The following FAT3 variants were observed in gnomAD, a reference collection of about 807,000 sequenced individuals.
The protein encoded by FAT3 is protocadherin Fat 3.
Under a neutral mutation model 310.2 loss-of-function variants are expected in FAT3, and 95 were observed. That is an observed-to-expected ratio of 0.31 (90% confidence interval 0.26 to 0.36). The LOEUF (loss-of-function observed/expected upper bound fraction) is 0.36, where lower values mean the gene tolerates loss of function less well. Among genes scored for constraint, FAT3 ranks in the 10% least tolerant of loss-of-function variants. The pLI is 1.00. For missense variants in FAT3, 5,408 were observed against 5,715.6 expected (o/e 0.95, Z 1.74); for synonymous variants, 2,314 against 2,192.9 (o/e 1.06, Z -1.54).
intron 1 of FAT3, among the ~76,000 whole-genome samples, chr11:92,339,166 C>T (rs924312482): frequency 6.6e-6 from 1 of 152,118 alleles, no homozygotes; most frequent in African/African-American, 2.4e-5. Context: ...ACATATTAGG[C>T]ATGTAAGTTC....
intron 2 of FAT3, among the ~76,000 whole-genome samples, chr11:92,445,273 C>T (rs753253116): frequency 6.6e-6 from 1 of 152,146 alleles, no homozygotes; most frequent in African/African-American, 2.4e-5. Flanking sequence ...TTTAGAATCA[C>T]TTTAGAATTT....
At chr11:92,613,034 C>G (rs947674192) in intron 3 of FAT3, among the ~76,000 whole-genome samples, 4 of 152,134 alleles carry the variant, frequency 2.6e-5, no homozygotes, top group Non-Finnish European at 5.9e-5. Context: ...CTTTTTCTAC[C>G]TCACTGAAAA....
At chr11:92,287,298 G>A (rs1458907324) in intron 1 of FAT3, among the ~76,000 whole-genome samples, 1 of 152,062 alleles carries the variant, frequency 6.6e-6, no homozygotes, top group African/African-American at 2.4e-5. Flanking sequence ...GCTATAAATG[G>A]TAATTTAATT....
In FAT3 at chr11:92,232,644, T is replaced by G. The variant is rs867106256; in HGVS notation, c.-18+7470T>G. On this transcript the variant is annotated intron_variant, in intron 1 of 27. Coordinates refer to ENST00000525166, the MANE Select transcript of FAT3 (RefSeq NM_001367949.2). ...AGTGATGTCGTTTTTTTTTTTTTTT[T>G]TTTTTTTTTTGTTTAACTGTGCAAC... Among the ~76,000 whole-genome samples, 59 of 146,130 alleles carry G rather than the reference T, an allele frequency of 4.0e-4. No individual in the cohort carries two copies. The East Asian group carries it at 4.0e-3, about 10-fold the overall frequency.
At chr11:92,499,998 G>A (rs1207166209) in intron 2 of FAT3, among the ~76,000 whole-genome samples, 1 of 151,982 alleles carries the variant, frequency 6.6e-6, no homozygotes, top group Non-Finnish European at 1.5e-5. Flanking sequence ...TGAAATCTAA[G>A]CAATATGCTA....
intron 2 of FAT3, among the ~76,000 whole-genome samples, chr11:92,480,300 C>G (rs571359875): frequency 6.6e-6 from 1 of 152,032 alleles, no homozygotes; most frequent in Non-Finnish European, 1.5e-5. Context: ...GCCAAGCATG[C>G]AAACTTTAAA....
At chr11:92,676,330 A>T (rs571842600) in intron 3 of FAT3, among the ~76,000 whole-genome samples, 1 of 152,326 alleles carries the variant, frequency 6.6e-6, no homozygotes, top group Non-Finnish European at 1.5e-5. Context: ...TCTAATAAGC[A>T]CATACAGTTG....
At chr11:92,513,051 G>A (rs1287720555) in intron 2 of FAT3, among the ~76,000 whole-genome samples, 1 of 45,958 alleles carries the variant, frequency 2.2e-5, no homozygotes, top group Non-Finnish European at 4.0e-5. Flanking sequence ...GAACCCGGGA[G>A]GCGGAGCTTG....
chr11:92,623,663 G>A (rs1941192002), intron 3 of FAT3, among the ~76,000 whole-genome samples: 1 of 152,166 alleles, frequency 6.6e-6, no homozygotes. Context: ...TTAAACAGTG[G>A]CTGGGCATGG....
chr11:92,854,417 G>T (rs192619738), intron 19 of FAT3, among the ~76,000 whole-genome samples: 187 of 152,230 alleles, frequency 1.2e-3, no homozygotes, highest in Admixed American at 4.7e-3. Context: ...GTAGGGGGGT[G>T]GGGCTCCCAC....
intron 2 of FAT3, among the ~76,000 whole-genome samples, chr11:92,411,048 A>AAT (rs571948580): frequency 1.4e-5 from 2 of 143,120 alleles, no homozygotes; most frequent in African/African-American, 2.6e-5. Context: ...AAATGTATAT[A>AAT]ATATATATAT....
chr11:92,411,013 G>A (rs1285137307), intron 2 of FAT3, among the ~76,000 whole-genome samples: 1 of 146,772 alleles, frequency 6.8e-6, no homozygotes, highest in African/African-American at 2.6e-5. Flanking sequence ...AAGGTGTGGA[G>A]TCTCTTAGGC....
intron 3 of FAT3, among the ~76,000 whole-genome samples, chr11:92,616,738 T>C (rs991527598): frequency 6.6e-6 from 1 of 152,208 alleles, no homozygotes; most frequent in African/African-American, 2.4e-5. Context: ...ACTTGTGAGC[T>C]TATTTTGGCT....
chr11:92,806,619 C>A, intron 12 of FAT3, 104 bp downstream of exon 12: 19 of 955,714 alleles, frequency 2.0e-5, no homozygotes, highest in Middle Eastern at 6.7e-4. Flanking sequence ...TATACTTACT[C>A]TTATAGGGAT....
At chr11:92,837,878 T>C in intron 17 of FAT3, 72 bp downstream of exon 17, 1 of 1,566,968 alleles carries the variant, frequency 6.4e-7, no homozygotes, top group Non-Finnish European at 8.8e-7. Flanking sequence ...GGTTTACTCA[T>C]TGTGGTTTAT....
At chr11:92,539,522 G>T (rs993859265) in intron 3 of FAT3, among the ~76,000 whole-genome samples, 1 of 152,100 alleles carries the variant, frequency 6.6e-6, no homozygotes, top group African/African-American at 2.4e-5. Flanking sequence ...ACGGATTTGG[G>T]ATTGTGTACA....
intron 3 of FAT3, among the ~76,000 whole-genome samples, chr11:92,668,771 T>A (rs1478731206): frequency 6.6e-6 from 1 of 152,238 alleles, no homozygotes; most frequent in East Asian, 1.9e-4. Flanking sequence ...TACTTCGATC[T>A]CTTATATGTA....
intron 3 of FAT3, among the ~76,000 whole-genome samples, chr11:92,645,081 T>C (rs1252553103): frequency 1.3e-5 from 2 of 152,222 alleles, no homozygotes; most frequent in African/African-American, 4.8e-5. Context: ...CTTCAGTCCA[T>C]GTTAAGAAGT....
intron 1 of FAT3, among the ~76,000 whole-genome samples, chr11:92,253,422 C>G (rs1392958833): frequency 6.6e-6 from 1 of 152,078 alleles, no homozygotes; most frequent in Non-Finnish European, 1.5e-5. Context: ...TTTGGAGGTT[C>G]TCTTCAGTTG....
Sources: allele counts gnomAD v4.1 joint callset (sites outside exome capture counted in the v4.1 genomes callset), GRCh38; gene constraint gnomAD v4.1.1; transcripts MANE v1.5; gene names NCBI Gene and HGNC (gene_info 2026-07-23, HGNC 2026-07-21).